The following TMEM200A variants were observed in gnomAD, a reference collection of about 807,000 sequenced individuals.
The protein encoded by TMEM200A is two transmembrane C.
In TMEM200A, 12 loss-of-function variants were observed where a neutral mutation model predicts 24.3. That is an observed-to-expected ratio of 0.49 (90% CI 0.32 to 0.80). The LOEUF (loss-of-function observed/expected upper bound fraction) is 0.80, where lower values mean the gene tolerates loss of function less well. TMEM200A is among the 30% of genes least tolerant of loss of function. The probability of loss-of-function intolerance (pLI) is 0.04; values close to 1 mark genes in which losing one functional copy is unlikely to be tolerated. For missense variants in TMEM200A, 545 were observed against 614.4 expected, an observed-to-expected ratio of 0.89 and a Z score of 1.19; for synonymous variants, 224 against 224.4, an observed-to-expected ratio of 1.00 and a Z score of 0.02.
chr6:130,393,917 C>T (rs1157631857), intron 2 of TMEM200A, among the ~76,000 whole-genome samples: 1 of 152,142 alleles, frequency 6.6e-6, no homozygotes, highest in Non-Finnish European at 1.5e-5. Flanking sequence ...GAATCTCATC[C>T]CACCCTTTGA....
At chr6:130,400,516 ATT>A (rs34448742) in intron 2 of TMEM200A, among the ~76,000 whole-genome samples, 110 of 144,410 alleles carry the variant, frequency 7.6e-4, no homozygotes, top group African/African-American at 1.6e-3. Flanking sequence ...AGCTCCTATG[ATT>A]TTTTTTTTTT....
intron 2 of TMEM200A, among the ~76,000 whole-genome samples, chr6:130,405,991 C>T (rs142933427): frequency 3.3e-4 from 51 of 152,302 alleles, no homozygotes; most frequent in African/African-American, 1.2e-3. Flanking sequence ...TATCCTCACC[C>T]TCTATCATTC....
chr6:130,371,689 A>G (rs1458101880), intron 1 of TMEM200A, among the ~76,000 whole-genome samples: 1 of 152,216 alleles, frequency 6.6e-6, no homozygotes, highest in Admixed American at 6.5e-5. Context: ...ACATGCATCC[A>G]TTCTGGATTT....
intron 1 of TMEM200A, chr6:130,381,903 T>A: frequency 1.0e-6 from 1 of 985,426 alleles, no homozygotes; most frequent in Non-Finnish European, 1.2e-6. Flanking sequence ...CCGACCTGTC[T>A]GCAGCTTCTC....
intron 2 of TMEM200A, among the ~76,000 whole-genome samples, chr6:130,409,265 C>A (rs796517116): frequency 1.2e-4 from 19 of 152,292 alleles, no homozygotes; most frequent in African/African-American, 4.3e-4. Flanking sequence ...ACCCATGATA[C>A]CTCAAAGCCT....
chr6:130,421,709 C>A (rs1159277276), intron 2 of TMEM200A, among the ~76,000 whole-genome samples: 3 of 152,088 alleles, frequency 2.0e-5, no homozygotes, highest in Non-Finnish European at 4.4e-5. Flanking sequence ...CTCCCTTCAC[C>A]CCTGGTCACC....
chr6:130,383,318 G>C (rs1420281047), intron 1 of TMEM200A, among the ~76,000 whole-genome samples: 3 of 152,190 alleles, frequency 2.0e-5, no homozygotes, highest in Non-Finnish European at 4.4e-5. Flanking sequence ...TGTGAGGTGA[G>C]CAGCAAGTTC....
In TMEM200A at chr6:130,423,664, G is replaced by C. The variant is rs186425258; in HGVS notation, c.-16-16743G>C. On this transcript the variant is annotated intron_variant, in intron 2 of 2. Coordinates refer to ENST00000296978, the MANE Select transcript of TMEM200A (RefSeq NM_001258277.2). ...ACATCTGTCAGTTTGGGGTGATAGG[G>C]GTCATTTTTTAGTATTCTCTTAGCT... Among the ~76,000 whole-genome samples, 32 of 152,044 alleles carry C rather than the reference G, an allele frequency of 2.1e-4. No individual in the cohort carries two copies. The East Asian group carries it at 4.1e-3, about 19-fold the overall frequency.
intron 1 of TMEM200A, among the ~76,000 whole-genome samples, chr6:130,372,166 C>T (rs1288590463): frequency 6.6e-6 from 1 of 152,158 alleles, no homozygotes; most frequent in African/African-American, 2.4e-5. Context: ...TTCAGGGAGT[C>T]ATCCTGGTGC....
chr6:130,396,143 AT>A (rs1778946430), intron 2 of TMEM200A, among the ~76,000 whole-genome samples: 1 of 152,256 alleles, frequency 6.6e-6, no homozygotes, highest in Non-Finnish European at 1.5e-5. Context: ...CTACTCTCAG[AT>A]TTTTTATCTA....
chr6:130,432,643 G>GAGTT (rs910059948), intron 2 of TMEM200A, among the ~76,000 whole-genome samples: 1 of 152,196 alleles, frequency 6.6e-6, no homozygotes, highest in African/African-American at 2.4e-5. Flanking sequence ...GAGCTATGAA[G>GAGTT]AGTTAGTAAT....
chr6:130,417,555 A>G (rs1041927052), intron 2 of TMEM200A, among the ~76,000 whole-genome samples: 4 of 152,180 alleles, frequency 2.6e-5, no homozygotes, highest in African/African-American at 9.6e-5. Context: ...TATGGAAGGT[A>G]AAATCTAGAA....
At chr6:130,369,983 TTAAC>T (rs1778281443) in intron 1 of TMEM200A, among the ~76,000 whole-genome samples, 1 of 152,192 alleles carries the variant, frequency 6.6e-6, no homozygotes, top group Non-Finnish European at 1.5e-5. Flanking sequence ...GTGTGAATAT[TTAAC>T]TAGGTAAAGC....
chr6:130,396,074 T>C (rs1382090195), intron 2 of TMEM200A, among the ~76,000 whole-genome samples: 6 of 152,208 alleles, frequency 3.9e-5, no homozygotes, highest in Admixed American at 2.0e-4. Context: ...AAAGCCAGTA[T>C]GGTTTAATTA....
intron 2 of TMEM200A, among the ~76,000 whole-genome samples, chr6:130,392,655 C>T (rs1454558806): frequency 6.6e-6 from 1 of 152,008 alleles, no homozygotes; most frequent in Non-Finnish European, 1.5e-5. Context: ...TAGCTGTTCC[C>T]TCCTCTTTTT....
At chr6:130,436,631 CTTTTTTTTTTTTTT>C (rs1203926640) in intron 2 of TMEM200A, among the ~76,000 whole-genome samples, 8 of 92,960 alleles carry the variant, frequency 8.6e-5, no homozygotes, top group African/African-American at 3.0e-4. Flanking sequence ...TTTCTTTATC[CTTTTTTTTTTTTTT>C]TTTTTTTTTT....
intron 2 of TMEM200A, among the ~76,000 whole-genome samples, chr6:130,395,088 G>T (rs1279076641): frequency 6.6e-6 from 1 of 152,122 alleles, no homozygotes; most frequent in East Asian, 1.9e-4. Flanking sequence ...AGACACTCAG[G>T]AAATATGTAT....
At chr6:130,381,895 G>A (rs145117521) in intron 1 of TMEM200A, 18 of 984,950 alleles carry the variant, frequency 1.8e-5, no homozygotes, top group South Asian at 4.7e-5. Flanking sequence ...ATGGTTAACC[G>A]ACCTGTCTGC....
intron 2 of TMEM200A, among the ~76,000 whole-genome samples, chr6:130,388,948 A>G (rs1778773511): frequency 6.6e-6 from 1 of 152,204 alleles, no homozygotes. Context: ...CATGTTTTGA[A>G]CAATGATTTC....
Sources: allele counts gnomAD v4.1 joint callset (sites outside exome capture counted in the v4.1 genomes callset), GRCh38; gene constraint gnomAD v4.1.1; transcripts MANE v1.5; gene names NCBI Gene and HGNC (gene_info 2026-07-23, HGNC 2026-07-21).